Variants in FAM185A observed in about 807,000 individuals in gnomAD.
FAM185A encodes protein FAM185A.
In FAM185A, 21 loss-of-function variants were observed where a neutral mutation model predicts 45.7. That is an observed-to-expected ratio of 0.46 (90% CI 0.33 to 0.66). The LOEUF is 0.66. Ranked by LOEUF, FAM185A falls within the 30% of genes least tolerant of loss-of-function variation. The probability of loss-of-function intolerance (pLI) is 0.03; values close to 1 mark genes in which losing one functional copy is unlikely to be tolerated. For synonymous variants in FAM185A, 117 were observed against 194.0 expected (o/e 0.60, Z 3.30); for missense variants, 305 against 485.4 (o/e 0.63, Z 3.49).
chr7:102,834,068 GGAAGGAAGGAAGGAAA>G, the FAM185A span, among the ~76,000 whole-genome samples: 12 of 113,008 alleles, frequency 1.1e-4, no homozygotes, highest in Admixed American at 1.9e-4. Context: ...AAGGAAGGAA[GGAAGGAAGGAAGGAAA>G]GAAAAGAAAG....
At chr7:102,781,048 G>A (rs894781192) in intron 6 of FAM185A, among the ~76,000 whole-genome samples, 1 of 152,180 alleles carries the variant, frequency 6.6e-6, no homozygotes, top group Non-Finnish European at 1.5e-5. Context: ...CTATGCCCAC[G>A]GAGCCTCGCT....
chr7:102,834,850 T>C, the FAM185A span: 2 of 151,836 alleles, frequency 1.3e-5, no homozygotes, highest in African/African-American at 4.8e-5. Context: ...GTGATGAATG[T>C]TAATTAGCTT....
At chr7:102,779,428 G>T (rs573812423) in intron 6 of FAM185A, among the ~76,000 whole-genome samples, 13 of 152,248 alleles carry the variant, frequency 8.5e-5, no homozygotes, top group Non-Finnish European at 1.9e-4. Context: ...TTAAGATCAT[G>T]TTATGCATTT....
chr7:102,811,174 C>A (rs1288505289), downstream of FAM185A, among the ~76,000 whole-genome samples: 1 of 152,078 alleles, frequency 6.6e-6, no homozygotes, highest in Non-Finnish European at 1.5e-5. Flanking sequence ...AATTAGCTAA[C>A]CACAGCCAGA....
At chr7:102,805,525 G>A (rs529282359) in intron 7 of FAM185A, among the ~76,000 whole-genome samples, 18 of 151,950 alleles carry the variant, frequency 1.2e-4, no homozygotes, top group African/African-American at 1.9e-4. Context: ...CTTTGGGGAC[G>A]TGGGGGAAAG....
the FAM185A span, chr7:102,833,096 C>T: frequency 1.0e-6 from 1 of 1,003,960 alleles, no homozygotes; most frequent in East Asian, 2.6e-5. Context: ...TCTTGATGCC[C>T]CCAAAAAATA....
At chr7:102,761,039 G>T (rs963752873) in intron 3 of FAM185A, among the ~76,000 whole-genome samples, 1 of 152,174 alleles carries the variant, frequency 6.6e-6, no homozygotes, top group Admixed American at 6.5e-5. Context: ...AACATTAAGA[G>T]AAATTAAAGG....
chr7:102,813,573 C>T (rs75825884), downstream of FAM185A: 9,272 of 1,576,930 alleles, frequency 5.9e-3, 464 homozygotes, highest in African/African-American at 0.11. Flanking sequence ...GCAGAAGTAA[C>T]CCCTAGTGCA....
chr7:102,775,808 G>A (rs1339404207), intron 5 of FAM185A, among the ~76,000 whole-genome samples: 2 of 151,888 alleles, frequency 1.3e-5, no homozygotes, highest in Admixed American at 1.3e-4. Flanking sequence ...TTTAGGATGC[G>A]GTAAGAGGTT....
intron 5 of FAM185A, among the ~76,000 whole-genome samples, chr7:102,776,099 T>TACACACACACACACACATATATAC (rs1360377462): frequency 1.9e-5 from 2 of 106,670 alleles, no homozygotes; most frequent in African/African-American, 5.2e-5. Context: ...TTGGCTCCTA[T>TACACACACACACACACATATATAC]ACACACACAC....
chr7:102,844,699 CAATTT>C, the FAM185A span, among the ~76,000 whole-genome samples: 1 of 152,188 alleles, frequency 6.6e-6, no homozygotes, highest in Non-Finnish European at 1.5e-5. Context: ...GGATGTTCTA[CAATTT>C]AATTCAACTC....
intron 7 of FAM185A, among the ~76,000 whole-genome samples, chr7:102,799,451 A>G (rs765437889): frequency 5.9e-5 from 9 of 152,252 alleles, no homozygotes; most frequent in Admixed American, 2.6e-4. Flanking sequence ...AGCACCTGAC[A>G]AAAAGATCAG....
chr7:102,778,524 T>C (rs1252770230), intron 6 of FAM185A, among the ~76,000 whole-genome samples: 2 of 152,248 alleles, frequency 1.3e-5, no homozygotes, highest in South Asian at 2.1e-4. Context: ...TTTTGCACAG[T>C]AGGCAAAATA....
At chr7:102,806,340 A>G (rs1320118070) in intron 7 of FAM185A, among the ~76,000 whole-genome samples, 1 of 152,032 alleles carries the variant, frequency 6.6e-6, no homozygotes, top group Non-Finnish European at 1.5e-5. Context: ...GCCTGGCACC[A>G]CACTTGGCTA....
intron 4 of FAM185A, among the ~76,000 whole-genome samples, chr7:102,763,821 CATTT>C (rs1381146976): frequency 6.6e-6 from 1 of 152,258 alleles, no homozygotes; most frequent in Non-Finnish European, 1.5e-5. Flanking sequence ...TCATTTGACA[CATTT>C]ATTGACCACC....
At chr7:102,772,568 C>G in intron 5 of FAM185A, 118 bp downstream of exon 5, 1 of 597,204 alleles carries the variant, frequency 1.7e-6, no homozygotes, top group Non-Finnish European at 2.8e-6. Flanking sequence ...GACAGGATCA[C>G]AAGTCAAATA....
At chr7:102,834,457 A>ATATATATTATATATATGTGAT in the FAM185A span, 6 of 49,810 alleles carry the variant, frequency 1.2e-4, no homozygotes, top group African/African-American at 9.1e-4. Context: ...ATATGTGATT[A>ATATATATTATATATATGTGAT]TATATATATA....
At chr7:102,822,376 G>C in the FAM185A span, 2 of 721,016 alleles carry the variant, frequency 2.8e-6, no homozygotes, top group East Asian at 2.7e-5. Flanking sequence ...GATAAAGATA[G>C]AGGTACCTGC....
At chr7:102,823,743 G>A in the FAM185A span, among the ~76,000 whole-genome samples, 1 of 152,298 alleles carries the variant, frequency 6.6e-6, no homozygotes, top group African/African-American at 2.4e-5. Context: ...CTTGGCTCTT[G>A]TTTTAACATA....
Sources: gnomAD v4.1 joint callset for allele counts (sites outside exome capture counted in the v4.1 genomes callset) on GRCh38, gnomAD v4.1.1 for gene constraint, MANE v1.5 for transcripts, NCBI Gene and HGNC (gene_info 2026-07-23, HGNC 2026-07-21) for gene names.